DPF3: variants seen among roughly 807,000 people sequenced by gnomAD.
DPF3 encodes double PHD fingers 3.
A neutral mutation model predicts 56.8 loss-of-function variants in DPF3; 18 were observed. The ratio of observed to expected loss-of-function variants is 0.32; its 90% CI spans 0.22 to 0.47. The LOEUF is 0.47. Ranked by LOEUF, DPF3 falls within the 20% of genes least tolerant of loss-of-function variation. The pLI is 1.00. For synonymous variants in DPF3, 188 were observed against 180.2 expected, an observed-to-expected ratio of 1.04 and a Z score of -0.35; for missense variants, 403 against 488.8, an observed-to-expected ratio of 0.82 and a Z score of 1.65.
intron 7 of DPF3, among the ~76,000 whole-genome samples, chr14:72,677,976 TGAAAG>T (rs35008543): frequency 0.5 from 75,629 of 151,570 alleles, 20,012 homozygotes; most frequent in East Asian, 0.94. Context: ...AACTGCGTAT[TGAAAG>T]GAGAAGAAAA....
chr14:72,703,556 T>C (rs1467606668), intron 6 of DPF3, among the ~76,000 whole-genome samples: 3 of 152,210 alleles, frequency 2.0e-5, no homozygotes, highest in Non-Finnish European at 2.9e-5. Flanking sequence ...GTTATGGGAA[T>C]GTTTCCTGCC....
At chr14:72,648,783 CT>C (rs1885806409) in intron 8 of DPF3, among the ~76,000 whole-genome samples, 1 of 151,936 alleles carries the variant, frequency 6.6e-6, no homozygotes, top group Admixed American at 6.6e-5. Context: ...GTCAATGTCT[CT>C]CTCTCTCTCT....
intron 1 of DPF3, among the ~76,000 whole-genome samples, chr14:72,775,386 C>T (rs966831862): frequency 5.9e-5 from 9 of 152,276 alleles, no homozygotes; most frequent in African/African-American, 2.2e-4. Flanking sequence ...CTTCCAACAG[C>T]GTCAATCCAG....
At chr14:72,756,707 G>A (rs1429951859) in intron 2 of DPF3, among the ~76,000 whole-genome samples, 1 of 151,606 alleles carries the variant, frequency 6.6e-6, no homozygotes, top group African/African-American at 2.4e-5. Context: ...AGCTATTCGG[G>A]AGGCTGAGGC....
At chr14:72,778,179 A>G (rs1567229856) in intron 1 of DPF3, among the ~76,000 whole-genome samples, 1 of 152,184 alleles carries the variant, frequency 6.6e-6, no homozygotes, top group Non-Finnish European at 1.5e-5. Context: ...CAATTATTTA[A>G]GCCAGGGGTC....
At chr14:72,863,100 A>ATATATGTG (rs1413440131) in intron 1 of DPF3, among the ~76,000 whole-genome samples, 22 of 110,592 alleles carry the variant, frequency 2.0e-4, no homozygotes, top group African/African-American at 7.7e-4. Flanking sequence ...ATATATATAT[A>ATATATGTG]TGTGTGTGTA....
chr14:72,704,325 T>G (rs1434943254), intron 6 of DPF3, among the ~76,000 whole-genome samples: 2 of 152,230 alleles, frequency 1.3e-5, no homozygotes, highest in Non-Finnish European at 2.9e-5. Context: ...TTGTCAACAT[T>G]TCTGGGGAAG....
At chr14:72,717,614 TA>T (rs1424695415) in intron 5 of DPF3, among the ~76,000 whole-genome samples, 1 of 152,234 alleles carries the variant, frequency 6.6e-6, no homozygotes, top group East Asian at 1.9e-4. Flanking sequence ...TATGACCCCC[TA>T]ACACTTAGCA....
intron 1 of DPF3, among the ~76,000 whole-genome samples, chr14:72,809,188 T>C (rs890887002): frequency 6.6e-6 from 1 of 152,260 alleles, no homozygotes; most frequent in Non-Finnish European, 1.5e-5. Context: ...GACAGGGCCA[T>C]GCCCTTGAAC....
intron 8 of DPF3, among the ~76,000 whole-genome samples, chr14:72,645,756 AG>A (rs1325287555): frequency 1.3e-5 from 2 of 151,992 alleles, no homozygotes; most frequent in Admixed American, 6.6e-5. Context: ...ACCACAGAAA[AG>A]TATTTGCCAC....
At chr14:72,891,437 T>C (rs1259564029) in intron 1 of DPF3, among the ~76,000 whole-genome samples, 1 of 151,708 alleles carries the variant, frequency 6.6e-6, no homozygotes, top group East Asian at 1.9e-4. Flanking sequence ...TCCAAACCAT[T>C]CTCCCCGCTA....
At chr14:72,662,876 G>C (rs1280747593) in intron 8 of DPF3, 1 of 961,596 alleles carries the variant, frequency 1.0e-6, no homozygotes, top group Non-Finnish European at 1.2e-6. Context: ...AAAAACAACA[G>C]CATGGAACAA....
At chr14:72,847,835 A>AAAC (rs1383287880) in intron 1 of DPF3, among the ~76,000 whole-genome samples, 12 of 152,240 alleles carry the variant, frequency 7.9e-5, no homozygotes, top group African/African-American at 2.9e-4. Flanking sequence ...TATTTTTATG[A>AAAC]TAGCCTCTAC....
At chr14:72,682,780 G>A (rs368613760) in intron 7 of DPF3, among the ~76,000 whole-genome samples, 3 of 152,280 alleles carry the variant, frequency 2.0e-5, no homozygotes, top group Non-Finnish European at 2.9e-5. Context: ...ACGCAGGGGC[G>A]CACTCCAAAA....
At chr14:72,757,066 A>AGAGG (rs1399555288) in intron 2 of DPF3, among the ~76,000 whole-genome samples, 66 of 98,436 alleles carry the variant, frequency 6.7e-4, no homozygotes, top group African/African-American at 3.0e-3. Context: ...AGAAAGGGGG[A>AGAGG]GAGGAAGGAA....
rs141722948 is a variant in DPF3, at chr14:72,766,650, C to T, written c.193+5083G>A. On this transcript the variant is annotated intron_variant, in intron 2 of 10. Transcript: ENST00000556509. ...AAATTTTTATAGAGACAAGGTCTCA[C>T]TATGTTGCTTAGGCTAGTTTCGAAC... 5.2e-3 allele frequency among the ~76,000 whole-genome samples: 799 copies of T among 152,292 alleles called. 9 individuals carry two copies. The highest frequency in any genetic ancestry group is 0.018 in the African/African-American group (742 of 41,560).
chr14:72,778,461 G>C (rs1319600763), intron 1 of DPF3, among the ~76,000 whole-genome samples: 1 of 152,192 alleles, frequency 6.6e-6, no homozygotes, highest in Non-Finnish European at 1.5e-5. Flanking sequence ...CTAGTTGCAG[G>C]AAAACAAGCT....
intron 1 of DPF3, among the ~76,000 whole-genome samples, chr14:72,863,148 G>A (rs898114268): frequency 0.076 from 3,121 of 41,074 alleles, 125 homozygotes; most frequent in African/African-American, 0.34. Context: ...ATATATATAT[G>A]TGTGTGTGTG....
At chr14:72,658,612 G>T (rs1311849056) in intron 8 of DPF3, among the ~76,000 whole-genome samples, 1 of 152,126 alleles carries the variant, frequency 6.6e-6, no homozygotes, top group Admixed American at 6.5e-5. Context: ...AAAAAGAAAT[G>T]GATAGGGGAA....
Sources: gnomAD v4.1 joint callset for allele counts (sites outside exome capture counted in the v4.1 genomes callset) on GRCh38, gnomAD v4.1.1 for gene constraint, MANE v1.5 for transcripts, NCBI Gene and HGNC (gene_info 2026-07-23, HGNC 2026-07-21) for gene names.